Variants in RTN3 observed in about 807,000 individuals in gnomAD.
RTN3 encodes reticulon-3.
In RTN3, 49 loss-of-function variants were observed where a neutral mutation model predicts 77.8. That is an observed-to-expected ratio of 0.63 (90% confidence interval 0.50 to 0.80). RTN3 has a LOEUF of 0.80. Among genes scored for constraint, RTN3 ranks in the 30% least tolerant of loss-of-function variants. RTN3 has a pLI of 0.00. For missense variants in RTN3, 1,236 were observed against 1,211.9 expected, an observed-to-expected ratio of 1.02 and a Z score of -0.29; for synonymous variants, 464 against 446.9, an observed-to-expected ratio of 1.04 and a Z score of -0.48.
intron 2 of RTN3, among the ~76,000 whole-genome samples, chr11:63,710,718 G>A (rs2011140899): frequency 6.6e-6 from 1 of 152,126 alleles, no homozygotes; most frequent in African/African-American, 2.4e-5. Context: ...TATTAAGGCT[G>A]TGGTTCTGAA....
At chr11:63,726,860 TGAAA>T (rs1160525596) in intron 3 of RTN3, among the ~76,000 whole-genome samples, 14 of 89,448 alleles carry the variant, frequency 1.6e-4, no homozygotes, top group Non-Finnish European at 2.3e-4. Flanking sequence ...AGACTCCGTC[TGAAA>T]AAAAAAAAAA....
At chr11:63,733,937 TAC>T (rs2012884730) in intron 3 of RTN3, among the ~76,000 whole-genome samples, 3 of 152,126 alleles carry the variant, frequency 2.0e-5, no homozygotes, top group African/African-American at 7.2e-5. Flanking sequence ...TATATGTATA[TAC>T]ACACAGACAC....
rs138833793 is a variant in RTN3, at chr11:63,754,310, T to C, written c.2994+602T>C. Among the ~76,000 whole-genome samples the C allele has an allele frequency of 1.2e-3, 186 of 152,142 alleles. 1 individual carries two copies. Among genetic ancestry groups the C allele is most frequent in the African/African-American group, 4.1e-3 (172 of 41,506 alleles). ...GGCTCATGCCTATAATCCTAACACTTTGGGGGGCCGAGGCAGGCAGATCAC... is the reference window on the plus strand; with the variant it reads ...GGCTCATGCCTATAATCCTAACACTCTGGGGGGCCGAGGCAGGCAGATCAC... On this transcript the variant is annotated intron_variant, in intron 7 of 8. Transcript: ENST00000377819.
chr11:63,725,787 CAT>C (rs1390903850), intron 3 of RTN3, among the ~76,000 whole-genome samples: 1 of 152,164 alleles, frequency 6.6e-6, no homozygotes, highest in African/African-American at 2.4e-5. Flanking sequence ...TGTTTTTACA[CAT>C]ATGTGACTAT....
intron 1 of RTN3, among the ~76,000 whole-genome samples, chr11:63,702,666 C>CT (rs1007445420): frequency 6.8e-6 from 1 of 147,256 alleles, no homozygotes; most frequent in Non-Finnish European, 1.5e-5. Context: ...GCACACTGCA[C>CT]TTTGTTTTTG....
intron 1 of RTN3, among the ~76,000 whole-genome samples, chr11:63,698,189 T>C (rs1255393073): frequency 6.6e-6 from 1 of 151,824 alleles, no homozygotes; most frequent in Non-Finnish European, 1.5e-5. Context: ...CATGGCTCAA[T>C]CTCAGCTCAC....
intron 1 of RTN3, among the ~76,000 whole-genome samples, chr11:63,688,970 A>G (rs931810908): frequency 1.3e-5 from 2 of 152,130 alleles, no homozygotes; most frequent in Non-Finnish European, 2.9e-5. Context: ...AGAATTTACC[A>G]TTTTTGTAAT....
chr11:63,720,213 ATTC>A lies in RTN3; in HGVS notation c.1714_1716del (p.Leu572del). 6.2e-7 allele frequency: 1 copy of A among 1,614,132 alleles called. No individual in the cohort carries two copies. The highest frequency in any genetic ancestry group is 1.3e-5 in the African/African-American group (1 of 75,068). ...TGAGCTGCATCAAGATCAGCCTGAT[ATTC>A]TTGGAAGGAGTCCAGCTAGTGAGGC... On this transcript the variant is annotated inframe_deletion, in exon 3 of 9. Transcript: ENST00000377819.
chr11:63,734,758 CA>C (rs1565333310), intron 3 of RTN3, among the ~76,000 whole-genome samples: 3 of 150,128 alleles, frequency 2.0e-5, no homozygotes, highest in African/African-American at 4.9e-5. Context: ...CACACACACA[CA>C]CACACACACA....
chr11:63,710,051 G>T (rs1216293358), intron 2 of RTN3, among the ~76,000 whole-genome samples: 2 of 152,084 alleles, frequency 1.3e-5, no homozygotes, highest in Non-Finnish European at 2.9e-5. Context: ...ATCACATTTT[G>T]TTTTTAGTAA....
At position 63,720,572 on chromosome 11, in the gene RTN3, A is replaced by G. The variant is rs758713683; in HGVS notation, c.2070A>G (p.Val690=). The G allele has an allele frequency of 2.5e-6, 4 of 1,614,172 alleles. No homozygotes were observed. In the East Asian group the frequency reaches 6.7e-5, roughly 27 times the overall value. ...CAGACTTTAAAACAACTCCTCCTGT[A>G]GAAGTCTTACATGAAAATGAGTCCG... is the stretch of plus-strand genomic sequence containing the variant. ...KMTDFKTTPP[V]EVLHENESGG... The change falls in exon 3 of 9, where the codon GTA becomes GTG. Residue 690 remains valine (V), a synonymous_variant. Transcript: ENST00000377819.
chr11:63,755,356 A>G (rs1338649170), intron 7 of RTN3, among the ~76,000 whole-genome samples: 7 of 152,122 alleles, frequency 4.6e-5, no homozygotes, highest in Non-Finnish European at 8.8e-5. Context: ...TTTTAAAAAT[A>G]CTTTTAAGGC....
At chr11:63,714,222 A>C in intron 2 of RTN3, 1 of 357,096 alleles carries the variant, frequency 2.8e-6, no homozygotes, top group East Asian at 7.4e-5. Flanking sequence ...ATTCTAAACA[A>C]AATAATTAAA....
rs2014558249 is a variant in RTN3 at position 63,759,483 on chromosome 11, G to C, written c.*1282G>C. 1 of 152,636 alleles carries C rather than the reference G, an allele frequency of 6.6e-6. No individual in the cohort carries two copies. The highest frequency in any genetic ancestry group is 1.5e-5 in the Non-Finnish European group (1 of 68,046). 9.5% of individuals were successfully genotyped at this position (152,636 alleles called of 1,614,324 possible). A position where few individuals can be genotyped will look rare whatever the true frequency, so the allele number is the denominator to read the frequency against. On this transcript the variant is annotated 3_prime_UTR_variant, in exon 9 of 9. Coordinates refer to ENST00000377819, the MANE Select transcript of RTN3 (RefSeq NM_001265589.2). ...AGTTAGGAATTTGGATGGGTAAAAG[G>C]TACCCTTGCCTTACTCCATCTTATT...
At chr11:63,696,770 C>T (rs185305170) in intron 1 of RTN3, among the ~76,000 whole-genome samples, 1 of 151,400 alleles carries the variant, frequency 6.6e-6, no homozygotes, top group East Asian at 2.0e-4. Context: ...TGGTCTCGAA[C>T]TCCTGACCTC....
Position 63,686,266 on chromosome 11 carries a change from C to T in RTN3, c.142+4488C>T, listed in dbSNP as rs1433319862. On this transcript the variant is annotated intron_variant, in intron 1 of 8. Transcript: ENST00000377819. Reference sequence around the variant, plus strand: ...CAGGCGGATCACGAGGTCAGGAGATCGAGATCATCCTGGCTAACATGGTGA... The same window carrying T: ...CAGGCGGATCACGAGGTCAGGAGATTGAGATCATCCTGGCTAACATGGTGA... Among the ~76,000 whole-genome samples, 5 of 151,294 alleles carry T rather than the reference C, an allele frequency of 3.3e-5. No individual in the cohort carries two copies. In the East Asian group the frequency reaches 7.9e-4, roughly 24 times the overall value.
In RTN3 at chr11:63,719,893, G is replaced by T. The variant is rs1242213026; in HGVS notation, c.1391G>T (p.Gly464Val). The T allele has an allele frequency of 6.2e-7, 1 of 1,614,116 alleles. No homozygotes were observed. The highest frequency in any genetic ancestry group is 8.5e-7 in the Non-Finnish European group (1 of 1,180,008). Residue 464 changes from glycine (G) to valine (V), a missense_variant, in exon 3 of 9, where the codon GGA becomes GTA. Around this residue, in one of 3 missense-constraint regions of RTN3, gnomAD observed 1,056 missense variants for 990.4 expected, o/e 1.07. Transcript: ENST00000377819. Reference protein sequence around the residue: ...PPEKCDSLGSGVATVKVVLPD... With the variant: ...PPEKCDSLGSVVATVKVVLPD... ...GAGAAATGTGACTCTTTGGGTTCTGGAGTGGCCACAGTGAAAGTGGTTTTA... is the reference window on the plus strand; with the variant it reads ...GAGAAATGTGACTCTTTGGGTTCTGTAGTGGCCACAGTGAAAGTGGTTTTA...
Position 63,759,816 on chromosome 11 carries a change from T to A in RTN3, c.*1615T>A, listed in dbSNP as rs1408769391. On this transcript the variant is annotated 3_prime_UTR_variant, in exon 9 of 9. Transcript: ENST00000377819. Reference sequence around the variant, plus strand: ...TGCAACATAAAAATACAGTAGCACCTAAGGAGCTTGAATCTTGGTTCCTGT... The same window carrying A: ...TGCAACATAAAAATACAGTAGCACCAAAGGAGCTTGAATCTTGGTTCCTGT... 6.6e-6 allele frequency: 1 copy of A among 151,824 alleles called. No individual in the cohort carries two copies. Among genetic ancestry groups the A allele is most frequent in the Non-Finnish European group, 1.5e-5 (1 of 67,946 alleles). 9.4% of individuals were successfully genotyped at this position (151,824 alleles called of 1,614,324 possible).
At chr11:63,747,342 A>G (rs137867947) in intron 3 of RTN3, among the ~76,000 whole-genome samples, 18 of 152,222 alleles carry the variant, frequency 1.2e-4, no homozygotes, top group African/African-American at 4.3e-4. Context: ...GAATTCTCCT[A>G]CTTACAGGAA....
Sources: gnomAD v4.1 joint callset for allele counts (sites outside exome capture counted in the v4.1 genomes callset) on GRCh38, gnomAD v4.1.1 for gene constraint, gnomAD v4.1.1 regional missense constraint, MANE v1.5 for transcripts, NCBI Gene and HGNC (gene_info 2026-07-23, HGNC 2026-07-21) for gene names.